The following FHDC1 variants were observed in gnomAD, a reference collection of about 807,000 sequenced individuals.
FHDC1 encodes FH2 domain containing 1.
A neutral mutation model predicts 52.6 loss-of-function variants in FHDC1; 25 were observed. The observed-to-expected ratio is 0.48, with a 90% CI of 0.35 to 0.66. The LOEUF (loss-of-function observed/expected upper bound fraction) is 0.66. Among genes scored for constraint, FHDC1 ranks in the 30% least tolerant of loss-of-function variants. The pLI is 0.01. For synonymous variants in FHDC1, 616 were observed against 581.5 expected, an observed-to-expected ratio of 1.06 and a Z score of -0.85; for missense variants, 1,459 against 1,452.8, an observed-to-expected ratio of 1.00 and a Z score of -0.07.
chr4:152,964,615 A>G (rs1042226129), intron 8 of FHDC1, among the ~76,000 whole-genome samples: 1 of 152,218 alleles, frequency 6.6e-6, no homozygotes, highest in East Asian at 1.9e-4. Flanking sequence ...TTTAAGCAGG[A>G]TATATTGGAT....
At position 152,975,745 on chromosome 4, in the gene FHDC1, C is replaced by T. The variant is rs376030442; in HGVS notation, c.2454C>T (p.Ser818=). The change falls in exon 12 of 12, where the codon AGC becomes AGT. Residue 818 remains serine (S), a synonymous_variant. Coordinates refer to ENST00000511601, the MANE Select transcript of FHDC1 (RefSeq NM_001371116.1). ...CTGGGGTTGGAGAAATGGGGGACAG[C>T]CAAGTCTCCTCCAACCCTACATCCA... The part of the protein sequence containing the change: ...MSSGVGEMGD[S]QVSSNPTSSP... The T allele has an allele frequency of 1.0e-5, 16 of 1,585,868 alleles. No individual in the cohort carries two copies. The highest frequency in any genetic ancestry group is 1.3e-5 in the Non-Finnish European group (15 of 1,163,654).
chr4:152,959,063 T>C (rs1180251313), intron 4 of FHDC1, among the ~76,000 whole-genome samples: 2 of 152,246 alleles, frequency 1.3e-5, no homozygotes, highest in African/African-American at 4.8e-5. Context: ...ATTTCCTATT[T>C]TGCAAGGAAC....
chr4:152,948,627 G>A (rs980452135), intron 2 of FHDC1, among the ~76,000 whole-genome samples: 1 of 151,958 alleles, frequency 6.6e-6, no homozygotes, highest in Non-Finnish European at 1.5e-5. Flanking sequence ...TAATTTTTTT[G>A]TATTTTTTAG....
At chr4:152,924,749 CTA>C in the FHDC1 span, among the ~76,000 whole-genome samples, 1 of 151,348 alleles carries the variant, frequency 6.6e-6, no homozygotes, top group African/African-American at 2.4e-5. Flanking sequence ...TCTCAGTAAA[CTA>C]TCGCAAGAAC....
At position 152,975,164 on chromosome 4, in the gene FHDC1, G is replaced by T. The variant is rs371561253; in HGVS notation, c.1873G>T (p.Ala625Ser). ...PSAQAHQLAA[A>S]QPENHASAFP... ...AGCACAGGCGCACCAGCTTGCAGCC[G>T]CCCAGCCTGAGAACCATGCCTCTGC... The change falls in exon 12 of 12, where the codon GCC becomes TCC. Residue 625 changes from alanine to serine, a missense_variant. This residue lies in a region of FHDC1 where 939 missense variants were observed against 854.5 expected (regional missense o/e 1.10). Transcript: ENST00000511601. 4 of 1,612,864 alleles carry T rather than the reference G, an allele frequency of 2.5e-6. No homozygotes were observed. The highest frequency in any genetic ancestry group is 3.4e-6 in the Non-Finnish European group (4 of 1,180,032).
chr4:152,972,993 G>T (rs997644143), intron 11 of FHDC1, among the ~76,000 whole-genome samples: 1 of 152,128 alleles, frequency 6.6e-6, no homozygotes, highest in Non-Finnish European at 1.5e-5. Context: ...CTCTGCTGCC[G>T]TCACTGTGGG....
chr4:152,972,828 G>A (rs951023393), intron 11 of FHDC1, among the ~76,000 whole-genome samples: 1 of 152,230 alleles, frequency 6.6e-6, no homozygotes, highest in African/African-American at 2.4e-5. Context: ...CATTTTGTTA[G>A]TAAAGTTCCT....
chr4:152,978,509 G>C lies in FHDC1; in HGVS notation c.*1786G>C, dbSNP rs1249065326. 1 of 151,272 alleles carries C rather than the reference G, an allele frequency of 6.6e-6. No individual in the cohort carries two copies. The highest frequency in any genetic ancestry group is 1.5e-5 in the Non-Finnish European group (1 of 67,952). 9.4% of individuals were successfully genotyped at this position (151,272 alleles called of 1,614,324 possible). ...ATGTATATCATCGGGAAAAGTTCGG[G>C]GGCAGAGTGGGGGAATCAGGCTTTA... On this transcript the variant is annotated 3_prime_UTR_variant, in exon 12 of 12. Transcript: ENST00000511601.
In FHDC1 at chr4:152,973,945, T is replaced by C. The variant is rs557371030; in HGVS notation, c.1384-730T>C. Among the ~76,000 whole-genome samples the C allele has an allele frequency of 7.5e-4, 114 of 152,330 alleles. 1 individual carries two copies. Among genetic ancestry groups the C allele is most frequent in the African/African-American group, 2.6e-3 (108 of 41,578 alleles). On this transcript the variant is annotated intron_variant, in intron 11 of 11. Transcript: ENST00000511601. ...GATTTGTAAAGCACACCTCCTCCTC[T>C]TCCTCTTCTCTGATTGTGGGAACAG...
At chr4:152,934,139 C>G (rs1011107232), upstream of FHDC1, among the ~76,000 whole-genome samples, 2 of 152,136 alleles carry the variant, frequency 1.3e-5, no homozygotes, top group Admixed American at 6.6e-5. Flanking sequence ...TACTTGTTCC[C>G]TCTTCCACTA....
At position 152,971,519 on chromosome 4, in the gene FHDC1, C is replaced by T. The variant is rs149290722; in HGVS notation, c.1219-858C>T. ...GTGTGACCCTTGGACATGGCAGATT[C>T]CATGCTGAAGGCCTTGGAAATCATT... On this transcript the variant is annotated intron_variant, in intron 10 of 11. Transcript: ENST00000511601. Among the ~76,000 whole-genome samples, 3 of 152,322 alleles carry T rather than the reference C, an allele frequency of 2.0e-5. No homozygotes were observed. In the East Asian group the frequency reaches 5.8e-4, roughly 29 times the overall value.
the FHDC1 span, chr4:152,928,289 C>A: frequency 5.4e-6 from 3 of 560,468 alleles, no homozygotes; most frequent in Admixed American, 3.1e-5. Context: ...TTATGTCCCT[C>A]AAAAAAAAAC....
At chr4:152,962,239 C>T (rs1417022014) in intron 6 of FHDC1, among the ~76,000 whole-genome samples, 1 of 152,106 alleles carries the variant, frequency 6.6e-6, no homozygotes, top group Non-Finnish European at 1.5e-5. Context: ...TCAGCCAATC[C>T]AAATGAAATG....
intron 11 of FHDC1, among the ~76,000 whole-genome samples, chr4:152,974,059 G>C (rs1740758823): frequency 6.6e-6 from 1 of 152,238 alleles, no homozygotes; most frequent in African/African-American, 2.4e-5. Context: ...CCAAGGAGCA[G>C]TCAGGGAACA....
chr4:152,924,949 A>G, the FHDC1 span, among the ~76,000 whole-genome samples: 3 of 152,014 alleles, frequency 2.0e-5, no homozygotes, highest in South Asian at 2.1e-4. Context: ...AGCATGGCAC[A>G]TGTATACATA....
At chr4:152,941,821 G>A (rs542357364) in intron 1 of FHDC1, among the ~76,000 whole-genome samples, 6 of 152,112 alleles carry the variant, frequency 3.9e-5, no homozygotes, top group Non-Finnish European at 7.4e-5. Flanking sequence ...CCGAAGTGCC[G>A]TGTAAAAAGC....
the FHDC1 span, among the ~76,000 whole-genome samples, chr4:152,921,716 A>C: frequency 6.6e-6 from 1 of 152,088 alleles, no homozygotes; most frequent in East Asian, 1.9e-4. Flanking sequence ...TTGCACAAGC[A>C]AAGATAATTT....
In FHDC1 at chr4:152,960,791, C is replaced by G; in HGVS notation, c.797C>G (p.Pro266Arg). The change falls in exon 6 of 12, where the codon CCT becomes CGT. Residue 266 changes from proline (P) to arginine (R), a missense_variant. Around this residue, in one of 3 missense-constraint regions of FHDC1, gnomAD observed 513 missense variants for 581.5 expected, o/e 0.88. Transcript: ENST00000511601. Reference protein sequence around the residue: ...EAMVLKKEFLPSCSSLYTDIT... With the variant: ...EAMVLKKEFLRSCSSLYTDIT... ...ATGGTGCTAAAGAAGGAATTTCTACCTTCTTGCTCTTCTCTATATACAGAT... is the reference window on the plus strand; with the variant it reads ...ATGGTGCTAAAGAAGGAATTTCTACGTTCTTGCTCTTCTCTATATACAGAT... The G allele has an allele frequency of 6.2e-7, 1 of 1,612,938 alleles. No individual in the cohort carries two copies. The highest frequency in any genetic ancestry group is 8.5e-7 in the Non-Finnish European group (1 of 1,179,804).
intron 2 of FHDC1, among the ~76,000 whole-genome samples, chr4:152,948,894 C>A (rs997214382): frequency 6.6e-6 from 1 of 151,868 alleles, no homozygotes; most frequent in African/African-American, 2.4e-5. Context: ...TGTTATGGAG[C>A]CAGGGCAATT....
Sources: allele counts gnomAD v4.1 joint callset (sites outside exome capture counted in the v4.1 genomes callset), GRCh38; gene constraint gnomAD v4.1.1; regional missense constraint gnomAD v4.1.1; transcripts MANE v1.5; gene names NCBI Gene and HGNC (gene_info 2026-07-23, HGNC 2026-07-21).